Variants in PPFIA2 observed in about 807,000 individuals in gnomAD.
The protein encoded by PPFIA2 is PPFI scaffold protein A2, also known as liprin-alpha-2.
A neutral mutation model predicts 175.5 loss-of-function variants in PPFIA2; 46 were observed. That is an observed-to-expected ratio of 0.26 (90% CI 0.21 to 0.34). The LOEUF is 0.34. Ranked by LOEUF, PPFIA2 falls within the 10% of genes least tolerant of loss-of-function variation. The pLI, the probability that PPFIA2 is intolerant of heterozygous loss-of-function variation, is 1.00. For synonymous variants in PPFIA2, 568 were observed against 511.4 expected (o/e 1.11, Z -1.49); for missense variants, 1,179 against 1,506.1 (o/e 0.78, Z 3.60).
At chr12:81,429,755 ATAACTT>A (rs1206207143) in intron 7 of PPFIA2, among the ~76,000 whole-genome samples, 1 of 152,088 alleles carries the variant, frequency 6.6e-6, no homozygotes, top group East Asian at 1.9e-4. Context: ...GATGAATAAA[ATAACTT>A]TATAGATTTA....
chr12:81,386,120 T>TA (rs60560777), intron 8 of PPFIA2, among the ~76,000 whole-genome samples: 2,260 of 139,756 alleles, frequency 0.016, 49 homozygotes, highest in East Asian at 0.06. Flanking sequence ...AGAAAAAAAT[T>TA]AAAAAAAAAA....
intron 4 of PPFIA2, among the ~76,000 whole-genome samples, chr12:81,517,230 G>A (rs2062574805): frequency 6.6e-6 from 1 of 151,812 alleles, no homozygotes; most frequent in Non-Finnish European, 1.5e-5. Context: ...TCACTGGTAG[G>A]GATGATTAAA....
At chr12:81,473,804 T>C (rs2057103331) in intron 4 of PPFIA2, among the ~76,000 whole-genome samples, 1 of 152,232 alleles carries the variant, frequency 6.6e-6, no homozygotes. Flanking sequence ...ATTATTTACT[T>C]ATATCAATAA....
At chr12:81,551,715 T>C (rs1017878300) in intron 4 of PPFIA2, among the ~76,000 whole-genome samples, 6 of 151,966 alleles carry the variant, frequency 3.9e-5, no homozygotes, top group African/African-American at 9.7e-5. Context: ...TACTTCTGAG[T>C]GTGTGAAACT....
rs556549724 is a variant in PPFIA2 at position 81,687,119 on chromosome 12, T to A, written c.250-10275A>T. Among the ~76,000 whole-genome samples the A allele has an allele frequency of 2.6e-5, 4 of 152,174 alleles. No individual in the cohort carries two copies. In the South Asian group the frequency reaches 6.2e-4, roughly 24 times the overall value. Reference sequence around the variant, plus strand: ...ATGCAGGCTAAGGTTGGAGAACCACTACCCCAGAGTGATGTATTTTAAATG... The same window carrying A: ...ATGCAGGCTAAGGTTGGAGAACCACAACCCCAGAGTGATGTATTTTAAATG... On this transcript the variant is annotated intron_variant, in intron 3 of 32. Coordinates refer to ENST00000549396, the MANE Select transcript of PPFIA2 (RefSeq NM_003625.5).
intron 8 of PPFIA2, among the ~76,000 whole-genome samples, chr12:81,387,446 G>C (rs2039228810): frequency 6.6e-6 from 1 of 152,038 alleles, no homozygotes; most frequent in Admixed American, 6.6e-5. Context: ...CAGTGAGAAA[G>C]ATAAAACACA....
chr12:81,639,569 C>T (rs899272188), intron 4 of PPFIA2, among the ~76,000 whole-genome samples: 10 of 151,678 alleles, frequency 6.6e-5, no homozygotes, highest in African/African-American at 2.4e-4. Context: ...TATAGTATTC[C>T]TAAAGTCAGC....
At chr12:81,559,478 C>G (rs985839282) in intron 4 of PPFIA2, among the ~76,000 whole-genome samples, 1 of 152,002 alleles carries the variant, frequency 6.6e-6, no homozygotes, top group Non-Finnish European at 1.5e-5. Flanking sequence ...ATTTTTATTC[C>G]AAAGCTAAGT....
chr12:81,625,544 T>C (rs1188769104), intron 4 of PPFIA2, among the ~76,000 whole-genome samples: 1 of 151,864 alleles, frequency 6.6e-6, no homozygotes, highest in Non-Finnish European at 1.5e-5. Flanking sequence ...CTCTGATACA[T>C]TGTGTAGTAT....
At chr12:81,274,878 A>G (rs2040111033) in intron 28 of PPFIA2, among the ~76,000 whole-genome samples, 1 of 152,154 alleles carries the variant, frequency 6.6e-6, no homozygotes, top group Non-Finnish European at 1.5e-5. Flanking sequence ...ATCATAATGA[A>G]TCATGGCAGT....
At chr12:81,757,690 C>G (rs1484769323) in intron 2 of PPFIA2, among the ~76,000 whole-genome samples, 4 of 152,196 alleles carry the variant, frequency 2.6e-5, no homozygotes, top group Non-Finnish European at 5.9e-5. Context: ...AGTCCTCACT[C>G]AAGGGCTTTC....
At chr12:81,425,181 C>T (rs1318887042) in intron 7 of PPFIA2, among the ~76,000 whole-genome samples, 1 of 152,002 alleles carries the variant, frequency 6.6e-6, no homozygotes, top group Non-Finnish European at 1.5e-5. Context: ...GCAATAACCT[C>T]GTAATGTGGG....
At chr12:81,414,303 C>T (rs950576022) in intron 7 of PPFIA2, among the ~76,000 whole-genome samples, 10 of 151,714 alleles carry the variant, frequency 6.6e-5, no homozygotes, top group East Asian at 5.8e-4. Flanking sequence ...TCCTGACCTG[C>T]GTTGGCAAAC....
At chr12:81,271,283 T>G (rs1296882833) in intron 28 of PPFIA2, among the ~76,000 whole-genome samples, 1 of 152,200 alleles carries the variant, frequency 6.6e-6, no homozygotes, top group Non-Finnish European at 1.5e-5. Context: ...TTTCTTTTAT[T>G]TTTTGAGACT....
At position 81,267,987 on chromosome 12, in the gene PPFIA2, T is replaced by C. The variant is rs776949503; in HGVS notation, c.3411A>G (p.Ser1137=). The C allele has an allele frequency of 3.1e-6, 5 of 1,599,910 alleles. No individual in the cohort carries two copies. The highest frequency in any genetic ancestry group is 8.5e-7 in the Non-Finnish European group (1 of 1,172,304). ...CAAAGTTTTCATCCAGGGCTATAAG[T>C]GAGCCATGCACACCGCTCTCAAGTA... The part of the protein sequence containing the change: ...NNILESGVHG[S]LIALDENFDY... Residue 1137 remains serine (S), a synonymous_variant, in exon 29 of 33, where the codon TCA becomes TCG. Transcript: ENST00000549396.
chr12:81,375,715 G>T (rs2036211301), intron 10 of PPFIA2, 81 bp downstream of exon 10: 1 of 1,370,408 alleles, frequency 7.3e-7, no homozygotes, highest in Non-Finnish European at 1.0e-6. Flanking sequence ...CTGTCAAGAA[G>T]TACCCTATTT....
chr12:81,363,695 C>T (rs1255694978), intron 14 of PPFIA2, among the ~76,000 whole-genome samples: 2 of 151,152 alleles, frequency 1.3e-5, no homozygotes, highest in African/African-American at 4.9e-5. Flanking sequence ...TCTTTTTATT[C>T]TCACTACGTC....
intron 21 of PPFIA2, among the ~76,000 whole-genome samples, 158 bp downstream of exon 21, chr12:81,339,022 C>G (rs576434454): frequency 6.6e-6 from 1 of 151,972 alleles, no homozygotes; most frequent in East Asian, 1.9e-4. Flanking sequence ...CATTATTCAG[C>G]TAAATTGAAC....
At chr12:81,603,479 A>C (rs903903707) in intron 4 of PPFIA2, among the ~76,000 whole-genome samples, 1 of 151,598 alleles carries the variant, frequency 6.6e-6, no homozygotes, top group Admixed American at 6.6e-5. Context: ...GTATGTTTAC[A>C]TTTGAGGAGC....
Sources: allele counts gnomAD v4.1 joint callset (sites outside exome capture counted in the v4.1 genomes callset), GRCh38; gene constraint gnomAD v4.1.1; transcripts MANE v1.5; gene names NCBI Gene and HGNC (gene_info 2026-07-23, HGNC 2026-07-21).